HPSE2: variants seen among roughly 807,000 people sequenced by gnomAD.
HPSE2 encodes the protein inactive heparanase-2.
HPSE2 carries 38 observed loss-of-function variants against 60.5 expected under a neutral mutation model. The ratio of observed to expected loss-of-function variants is 0.63; its 90% CI spans 0.48 to 0.82. The LOEUF is 0.82. Ranked by LOEUF, HPSE2 falls within the 40% of genes least tolerant of loss-of-function variation. The probability of loss-of-function intolerance (pLI) is 0.00; values close to 1 mark genes in which losing one functional copy is unlikely to be tolerated. For synonymous variants in HPSE2, 295 were observed against 293.2 expected (o/e 1.01, Z -0.06); for missense variants, 713 against 740.4 (o/e 0.96, Z 0.43).
intron 3 of HPSE2, among the ~76,000 whole-genome samples, chr10:98,755,143 A>G (rs1949849725): frequency 6.6e-6 from 1 of 152,108 alleles, no homozygotes; most frequent in Admixed American, 6.5e-5. Flanking sequence ...CTCACATGCA[A>G]TGATTCATAA....
intron 9 of HPSE2, among the ~76,000 whole-genome samples, chr10:98,565,383 G>A (rs1374163245): frequency 2.6e-5 from 4 of 152,014 alleles, no homozygotes; most frequent in Non-Finnish European, 5.9e-5. Context: ...GTGTCCATGT[G>A]TTCTCATTGT....
rs374381360 is a variant in HPSE2, at chr10:98,490,011, C to T, written c.1466+40G>A. On this transcript the variant is annotated intron_variant, in intron 10 of 11. Coordinates refer to ENST00000370552, the MANE Select transcript of HPSE2 (RefSeq NM_021828.5). ...GGTCCCAAATGGTATGGGGTGGGAG[C>T]CCCTCAGGTGGCCTTTCTGCCATCT... The T allele has an allele frequency of 1.5e-5, 24 of 1,612,824 alleles. No individual in the cohort carries two copies. The African/African-American group carries it at 2.8e-4, about 19-fold the overall frequency.
chr10:99,118,946 G>A (rs550342601), intron 3 of HPSE2, among the ~76,000 whole-genome samples: 11 of 151,934 alleles, frequency 7.2e-5, no homozygotes, highest in African/African-American at 2.4e-4. Flanking sequence ...AACCTGGGAG[G>A]TGGAGGTTGA....
intron 4 of HPSE2, among the ~76,000 whole-genome samples, chr10:98,742,014 G>A (rs1949509576): frequency 6.6e-6 from 1 of 152,152 alleles, no homozygotes; most frequent in African/African-American, 2.4e-5. Flanking sequence ...AGATGGGATG[G>A]AAAGGGATCA....
chr10:98,717,191 T>G, intron 5 of HPSE2, among the ~76,000 whole-genome samples: 1 of 152,072 alleles, frequency 6.6e-6, no homozygotes, highest in East Asian at 1.9e-4. Flanking sequence ...TTTATAGAAT[T>G]GAAGAGAGTT....
At chr10:99,222,182 G>A (rs955570587) in intron 2 of HPSE2, among the ~76,000 whole-genome samples, 1 of 152,128 alleles carries the variant, frequency 6.6e-6, no homozygotes, top group Non-Finnish European at 1.5e-5. Flanking sequence ...GAAACACTGT[G>A]CTGCTATGTT....
At chr10:98,565,735 A>C (rs1944323590) in intron 9 of HPSE2, among the ~76,000 whole-genome samples, 1 of 152,176 alleles carries the variant, frequency 6.6e-6, no homozygotes, top group Admixed American at 6.5e-5. Flanking sequence ...TTCTAGAAAA[A>C]CTTGGAAGAA....
At chr10:99,120,649 T>C (rs150608900) in intron 3 of HPSE2, among the ~76,000 whole-genome samples, 7,150 of 152,170 alleles carry the variant, frequency 0.047, 574 homozygotes, top group African/African-American at 0.16. Context: ...AATTTTTGTA[T>C]TTTTAGTAAA....
chr10:99,119,370 G>C (rs1416439857), intron 3 of HPSE2, among the ~76,000 whole-genome samples: 1 of 152,048 alleles, frequency 6.6e-6, no homozygotes, highest in East Asian at 1.9e-4. Context: ...AAATACCTAG[G>C]AATACAGCTA....
intron 9 of HPSE2, among the ~76,000 whole-genome samples, chr10:98,547,858 C>T (rs950900043): frequency 8.6e-5 from 13 of 151,828 alleles, no homozygotes; most frequent in Admixed American, 8.5e-4. Flanking sequence ...CACACAAACT[C>T]AAGTGACGAT....
At chr10:99,030,189 C>T (rs567862934) in intron 3 of HPSE2, among the ~76,000 whole-genome samples, 11 of 152,264 alleles carry the variant, frequency 7.2e-5, no homozygotes, top group South Asian at 4.1e-4. Context: ...TAATGATATT[C>T]GCATATAATC....
chr10:98,909,608 G>A (rs1160948496), intron 3 of HPSE2, among the ~76,000 whole-genome samples: 18 of 149,318 alleles, frequency 1.2e-4, no homozygotes, highest in Non-Finnish European at 2.2e-4. Context: ...CAGCCTGGGC[G>A]ACAGAGTGAG....
intron 3 of HPSE2, among the ~76,000 whole-genome samples, chr10:98,772,241 C>A (rs1052412880): frequency 6.6e-6 from 1 of 152,114 alleles, no homozygotes; most frequent in Non-Finnish European, 1.5e-5. Flanking sequence ...CAGAGCATGA[C>A]ATCCCCAGGG....
At chr10:99,292,700 T>C in the HPSE2 span, among the ~76,000 whole-genome samples, 1 of 152,228 alleles carries the variant, frequency 6.6e-6, no homozygotes, top group African/African-American at 2.4e-5. Flanking sequence ...TGAAATATTA[T>C]TTCAACATGT....
At chr10:98,937,367 C>T (rs371258718) in intron 3 of HPSE2, among the ~76,000 whole-genome samples, 4 of 144,578 alleles carry the variant, frequency 2.8e-5, no homozygotes, top group East Asian at 2.0e-4. Context: ...CCTGGAAATT[C>T]GGGTCACTCC....
chr10:99,147,841 A>G (rs1229050334), intron 2 of HPSE2, among the ~76,000 whole-genome samples: 3 of 152,210 alleles, frequency 2.0e-5, no homozygotes, highest in African/African-American at 4.8e-5. Context: ...AGTATCATGT[A>G]TGACACACTC....
At chr10:98,936,974 A>G (rs1304253026) in intron 3 of HPSE2, among the ~76,000 whole-genome samples, 1 of 87,862 alleles carries the variant, frequency 1.1e-5, no homozygotes, top group Non-Finnish European at 2.0e-5. Context: ...AGGAGACTCC[A>G]TCTCAAAAAA....
the HPSE2 span, among the ~76,000 whole-genome samples, chr10:99,297,586 G>A: frequency 3.9e-5 from 6 of 152,254 alleles, no homozygotes; most frequent in Middle Eastern, 3.4e-3. Flanking sequence ...CCTAAAATGG[G>A]TGCAGTCTTA....
chr10:98,863,905 T>A (rs1816383792), intron 3 of HPSE2, among the ~76,000 whole-genome samples: 1 of 152,112 alleles, frequency 6.6e-6, no homozygotes. Flanking sequence ...ACCATCATCA[T>A]AAATATACTC....
Sources: gnomAD v4.1 joint callset for allele counts (sites outside exome capture counted in the v4.1 genomes callset) on GRCh38, gnomAD v4.1.1 for gene constraint, MANE v1.5 for transcripts, NCBI Gene and HGNC (gene_info 2026-07-23, HGNC 2026-07-21) for gene names.